MACROD2: variants seen among roughly 807,000 people sequenced by gnomAD.
MACROD2 encodes ADP-ribose glycohydrolase MACROD2.
In MACROD2, 36 loss-of-function variants were observed where a neutral mutation model predicts 70.4. That is an observed-to-expected ratio of 0.51 (90% CI 0.39 to 0.68). The LOEUF (loss-of-function observed/expected upper bound fraction) is 0.68. Ranked by LOEUF, MACROD2 falls within the 30% of genes least tolerant of loss-of-function variation. The pLI, the probability that MACROD2 is intolerant of heterozygous loss-of-function variation, is 0.00. For synonymous variants in MACROD2, 172 were observed against 178.8 expected (o/e 0.96, Z 0.30); for missense variants, 496 against 538.4 (o/e 0.92, Z 0.78).
chr20:15,910,284 G>A (rs149369033), intron 10 of MACROD2, among the ~76,000 whole-genome samples: 6 of 152,210 alleles, frequency 3.9e-5, no homozygotes, highest in Non-Finnish European at 7.4e-5. Context: ...GGCACCAAGC[G>A]TTATTTCAAG....
chr20:14,232,618 C>T (rs1367210913), intron 3 of MACROD2, among the ~76,000 whole-genome samples: 2 of 152,258 alleles, frequency 1.3e-5, no homozygotes, highest in Non-Finnish European at 2.9e-5. Flanking sequence ...TGTCAGCCTT[C>T]ATAGAATTGA....
chr20:14,498,326 A>G (rs1167030141), intron 4 of MACROD2, among the ~76,000 whole-genome samples: 1 of 152,210 alleles, frequency 6.6e-6, no homozygotes, highest in African/African-American at 2.4e-5. Context: ...GAAATCATAA[A>G]CCATGTGCTG....
chr20:15,769,970 A>G (rs1298117923), intron 8 of MACROD2, among the ~76,000 whole-genome samples: 2 of 151,796 alleles, frequency 1.3e-5, no homozygotes, highest in African/African-American at 4.8e-5. Flanking sequence ...GTAGACACAC[A>G]TGCATGTGTG....
chr20:14,966,513 G>A (rs1184195039), intron 5 of MACROD2, among the ~76,000 whole-genome samples: 4 of 152,096 alleles, frequency 2.6e-5, no homozygotes, highest in Non-Finnish European at 5.9e-5. Flanking sequence ...GTTGTCAAGG[G>A]TGCAGTGAGC....
chr20:14,862,064 A>AATATATAAAAATATATAC (rs2073334228), intron 5 of MACROD2, among the ~76,000 whole-genome samples: 2 of 2,664 alleles, frequency 7.5e-4, no homozygotes, highest in East Asian at 0.024. Flanking sequence ...TATATATATA[A>AATATATAAAAATATATAC]ATATATATAA....
chr20:15,707,925 G>T (rs1478149546), intron 8 of MACROD2, among the ~76,000 whole-genome samples: 1 of 151,526 alleles, frequency 6.6e-6, no homozygotes, highest in Non-Finnish European at 1.5e-5. Context: ...GGTGTGAGTG[G>T]TCACCGAGTT....
At chr20:14,078,055 A>C (rs2053938704) in intron 2 of MACROD2, among the ~76,000 whole-genome samples, 1 of 151,872 alleles carries the variant, frequency 6.6e-6, no homozygotes, top group South Asian at 2.1e-4. Flanking sequence ...GACATGTGCC[A>C]CCACGCCTGG....
At chr20:14,774,040 A>G (rs555999365) in intron 5 of MACROD2, among the ~76,000 whole-genome samples, 10 of 152,170 alleles carry the variant, frequency 6.6e-5, no homozygotes, top group African/African-American at 2.2e-4. Context: ...TCTTTATAAT[A>G]TACATTTACT....
At chr20:14,227,113 C>G (rs1296278176) in intron 3 of MACROD2, among the ~76,000 whole-genome samples, 3 of 152,202 alleles carry the variant, frequency 2.0e-5, no homozygotes, top group African/African-American at 7.2e-5. Flanking sequence ...ATGCACCAAT[C>G]TATACTCTGT....
At chr20:15,220,168 A>G (rs1341710551) in intron 5 of MACROD2, among the ~76,000 whole-genome samples, 1 of 152,180 alleles carries the variant, frequency 6.6e-6, no homozygotes, top group Non-Finnish European at 1.5e-5. Context: ...TATAAAATGT[A>G]TGCTGAATGA....
intron 3 of MACROD2, among the ~76,000 whole-genome samples, chr20:14,097,011 A>G (rs964643768): frequency 1.3e-5 from 2 of 152,076 alleles, no homozygotes; most frequent in South Asian, 4.1e-4. Flanking sequence ...ATTTCTTGCC[A>G]TTGCTGTTTT....
At position 15,462,280 on chromosome 20, in the gene MACROD2, A is replaced by C. The variant is rs138784502; in HGVS notation, c.571+30845A>C. ...TGACTTGCATATGGACAGTATACAC[A>C]TTCATAGATATTTTACCCGTGCCGT... On this transcript the variant is annotated intron_variant, in intron 7 of 17. Transcript: ENST00000684519. Among the ~76,000 whole-genome samples the C allele has an allele frequency of 5.9e-3, 905 of 152,328 alleles. 14 individuals are homozygous for C. The highest frequency in any genetic ancestry group is 0.021 in the African/African-American group (859 of 41,584).
At chr20:14,330,534 C>T (rs1416195829) in intron 3 of MACROD2, among the ~76,000 whole-genome samples, 1 of 152,072 alleles carries the variant, frequency 6.6e-6, no homozygotes, top group Non-Finnish European at 1.5e-5. Context: ...TTCTGGTTCT[C>T]TCCAAAAATT....
chr20:14,262,425 A>G (rs1456967037), intron 3 of MACROD2, among the ~76,000 whole-genome samples: 1 of 152,240 alleles, frequency 6.6e-6, no homozygotes, highest in Non-Finnish European at 1.5e-5. Context: ...AGAAAAGATA[A>G]TTACTGTTCT....
chr20:15,344,629 C>A (rs2078145191), intron 6 of MACROD2, among the ~76,000 whole-genome samples: 1 of 152,094 alleles, frequency 6.6e-6, no homozygotes, highest in Non-Finnish European at 1.5e-5. Context: ...TAACCAGACT[C>A]ACAGAGGACT....
At chr20:15,552,021 A>G (rs2146589524) in intron 8 of MACROD2, 1 of 152,274 alleles carries the variant, frequency 6.6e-6, no homozygotes, top group East Asian at 1.9e-4. Context: ...CTTCAAGGAA[A>G]TCTATGATTA....
intron 8 of MACROD2, among the ~76,000 whole-genome samples, chr20:15,662,764 T>A (rs1475387776): frequency 1.3e-5 from 2 of 151,966 alleles, no homozygotes; most frequent in Non-Finnish European, 2.9e-5. Flanking sequence ...CTTTTAATTG[T>A]TTTAAGTTTT....
intron 3 of MACROD2, among the ~76,000 whole-genome samples, chr20:14,351,205 T>G (rs2083120134): frequency 6.6e-6 from 1 of 152,184 alleles, no homozygotes; most frequent in Non-Finnish European, 1.5e-5. Context: ...TACTTTTCTT[T>G]TTGTTCAGGG....
At chr20:15,095,225 C>T (rs535533199) in intron 5 of MACROD2, among the ~76,000 whole-genome samples, 9 of 148,740 alleles carry the variant, frequency 6.1e-5, no homozygotes, top group South Asian at 2.2e-4. Flanking sequence ...TACAGGCGCC[C>T]GCCACCACAC....
Sources: gnomAD v4.1 joint callset for allele counts (sites outside exome capture counted in the v4.1 genomes callset) on GRCh38, gnomAD v4.1.1 for gene constraint, MANE v1.5 for transcripts, NCBI Gene and HGNC (gene_info 2026-07-23, HGNC 2026-07-21) for gene names.